The following ZNF268 variants were observed in gnomAD, a reference collection of about 807,000 sequenced individuals.
ZNF268 encodes the protein zinc finger protein 3.
A neutral mutation model predicts 29.3 loss-of-function variants in ZNF268; 20 were observed. That is an observed-to-expected ratio of 0.68 (90% CI 0.48 to 0.99). The LOEUF (loss-of-function observed/expected upper bound fraction) is 0.99, where lower values mean the gene tolerates loss of function less well. Ranked by LOEUF, ZNF268 falls within the 50% of genes least tolerant of loss-of-function variation. ZNF268 has a pLI of 0.00. For synonymous variants in ZNF268, 429 were observed against 376.9 expected (o/e 1.14, Z -1.60); for missense variants, 1,240 against 1,121.6 (o/e 1.11, Z -1.51).
rs1199473700 is a variant in ZNF268 at position 133,211,122 on chromosome 12, A to T, written c.*6592A>T. ...ACAAAAGTCAAGTGATTTCCTATATATTTGAAATAATGTATAGCAATAATT... is the reference window on the plus strand; with the variant it reads ...ACAAAAGTCAAGTGATTTCCTATATTTTTGAAATAATGTATAGCAATAATT... On this transcript the variant is annotated 3_prime_UTR_variant, in exon 6 of 6. Coordinates refer to ENST00000536435, the MANE Select transcript of ZNF268 (RefSeq NM_003415.3). The T allele has an allele frequency of 2.4e-6, 1 of 419,238 alleles. No homozygotes were observed. The highest frequency in any genetic ancestry group is 2.0e-5 in the African/African-American group (1 of 49,008). The allele number at this position is 419,238 out of a possible 1,614,324, so 26.0% of individuals were successfully genotyped here. A position where few individuals can be genotyped will look rare whatever the true frequency, so the allele number is the denominator to read the frequency against.
In ZNF268 at chr12:133,208,035, ATAG is replaced by A. The variant is rs762793393; in HGVS notation, c.*3509_*3511del. 2.6e-5 allele frequency: 4 copies of A among 152,174 alleles called. No individual in the cohort carries two copies. The highest frequency in any genetic ancestry group is 2.1e-4 in the South Asian group (1 of 4,832). 9.4% of individuals were successfully genotyped at this position (152,174 alleles called of 1,614,324 possible). A position where few individuals can be genotyped will look rare whatever the true frequency, so the allele number is the denominator to read the frequency against. On this transcript the variant is annotated 3_prime_UTR_variant, in exon 6 of 6. Coordinates refer to ENST00000536435, the MANE Select transcript of ZNF268 (RefSeq NM_003415.3). ...CACAAATGTCATACTTAATGATAAA[ATAG>A]TAGAAAGATTCCTTTAAAGTAAAAT...
rs765291915 is a variant in ZNF268, at chr12:133,204,402, A to G, written c.2716A>G (p.Ile906Val). Reference sequence around the variant, plus strand: ...TGGGAAAACCTTCTCTCAAAAATCAATTCTCAGTGCACATCAGAGAACACA... The same window carrying G: ...TGGGAAAACCTTCTCTCAAAAATCAGTTCTCAGTGCACATCAGAGAACACA... ...ECGKTFSQKS[I>V]LSAHQRTHTG... Residue 906 changes from isoleucine to valine, a missense_variant, in exon 6 of 6, where the codon ATT becomes GTT. Ile to Val is a conservative substitution (Grantham distance 29). This residue lies in a region of ZNF268 where 1,177 missense variants were observed against 1,039.6 expected (regional missense o/e 1.13). Coordinates refer to ENST00000536435, the MANE Select transcript of ZNF268 (RefSeq NM_003415.3). 7.6e-6 allele frequency: 12 copies of G among 1,569,752 alleles called. No individual in the cohort carries two copies. Among genetic ancestry groups the G allele is most frequent in the Middle Eastern group, 1.7e-4 (1 of 6,032 alleles).
In ZNF268 at chr12:133,206,236, T is replaced by G. The variant is rs184587723; in HGVS notation, c.*1706T>G. ...GATGGAAGTCTTTTAAGCAAGAAAC[T>G]TGGCCCATGCTATGAAGTCATGAAA... On this transcript the variant is annotated 3_prime_UTR_variant, in exon 6 of 6. Transcript: ENST00000536435. The G allele has an allele frequency of 5.3e-5, 8 of 152,322 alleles. No homozygotes were observed. Among genetic ancestry groups the G allele is most frequent in the Middle Eastern group, 3.4e-3 (1 of 294 alleles). The allele number at this position is 152,322 out of a possible 1,614,324, so 9.4% of individuals were successfully genotyped here.
chr12:133,202,856 T>C lies in ZNF268; in HGVS notation c.1170T>C (p.Cys390=). ...ATTCAGGACAGAAACCATATGTGTG[T>C]AATGAATGTGGGAAAGCTTTTGGTT... is the stretch of plus-strand genomic sequence containing the variant. ...KTHSGQKPYV[C]NECGKAFGLK... Residue 390 remains cysteine (C), a synonymous_variant, in exon 6 of 6, where the codon TGT becomes TGC. Coordinates refer to ENST00000536435, the MANE Select transcript of ZNF268 (RefSeq NM_003415.3). 6.3e-7 allele frequency: 1 copy of C among 1,578,776 alleles called. No individual in the cohort carries two copies. Among genetic ancestry groups the C allele is most frequent in the Non-Finnish European group, 8.6e-7 (1 of 1,165,188 alleles).
rs1195083247 is a variant in ZNF268, at chr12:133,203,667, G to A, written c.1981G>A (p.Val661Met). The change falls in exon 6 of 6, where the codon GTG (valine) becomes ATG (methionine). Residue 661 changes from valine (V) to methionine (M), a missense_variant. Transcript: ENST00000536435. ...ATCACAGCTCATTGTACATAAAGGA[G>A]TGCACACTGGAGTAAAACCCTATGG... The part of the protein sequence containing the change: ...FKSQLIVHKG[V>M]HTGVKPYGCS... The A allele has an allele frequency of 6.4e-7, 1 of 1,550,952 alleles. No homozygotes were observed. The highest frequency in any genetic ancestry group is 8.7e-7 in the Non-Finnish European group (1 of 1,153,274).
intron 3 of ZNF268, among the ~76,000 whole-genome samples, chr12:133,190,344 A>G (rs908800072): frequency 7.2e-5 from 11 of 152,180 alleles, no homozygotes; most frequent in Admixed American, 5.9e-4. Context: ...ATTATATGGT[A>G]AGACTGTTTA....
In ZNF268 at chr12:133,198,116, A is replaced by G. The variant is rs565025823; in HGVS notation, c.458-4028A>G. On this transcript the variant is annotated intron_variant, in intron 5 of 5. Coordinates refer to ENST00000536435, the MANE Select transcript of ZNF268 (RefSeq NM_003415.3). ...AGACATGAAGTCCTTGCCCATGCCT[A>G]TGTCCTGAATGGTAATGCCTGGGTT... is the stretch of plus-strand genomic sequence containing the variant. 3.6e-3 allele frequency among the ~76,000 whole-genome samples: 541 copies of G among 151,274 alleles called. 6 individuals carry two copies. Among genetic ancestry groups the G allele is most frequent in the African/African-American group, 0.013 (514 of 40,990 alleles).
In ZNF268 at chr12:133,210,169, A is replaced by T. The variant is rs2135535682; in HGVS notation, c.*5639A>T. 6.6e-6 allele frequency: 1 copy of T among 152,434 alleles called. No homozygotes were observed. Among genetic ancestry groups the T allele is most frequent in the South Asian group, 2.1e-4 (1 of 4,834 alleles). The allele number at this position is 152,434 out of a possible 1,614,324, so 9.4% of individuals were successfully genotyped here. On this transcript the variant is annotated 3_prime_UTR_variant, in exon 6 of 6. Coordinates refer to ENST00000536435, the MANE Select transcript of ZNF268 (RefSeq NM_003415.3). Reference sequence around the variant, plus strand: ...TCTTTTCCTCCTGTGGCCTCCATGTATCCCAAAGGTGAGATGACATCGCCC... The same window carrying T: ...TCTTTTCCTCCTGTGGCCTCCATGTTTCCCAAAGGTGAGATGACATCGCCC...
chr12:133,210,628 C>G lies in ZNF268; in HGVS notation c.*6098C>G, dbSNP rs1161310458. 2 of 346,208 alleles carry G rather than the reference C, an allele frequency of 5.8e-6. No homozygotes were observed. Among genetic ancestry groups the G allele is most frequent in the Non-Finnish European group, 5.8e-6 (1 of 173,646 alleles). The allele number at this position is 346,208 out of a possible 1,614,324, so 21.4% of individuals were successfully genotyped here. On this transcript the variant is annotated 3_prime_UTR_variant, in exon 6 of 6. Coordinates refer to ENST00000536435, the MANE Select transcript of ZNF268 (RefSeq NM_003415.3). Reference sequence around the variant, plus strand: ...CTGAGATGAGGTAAATTCTGGTCATCACTGTGAAGTGCCCTCGGGGGTCTC... The same window carrying G: ...CTGAGATGAGGTAAATTCTGGTCATGACTGTGAAGTGCCCTCGGGGGTCTC...
At position 133,187,922 on chromosome 12, in the gene ZNF268, C is replaced by A. The variant is rs1388051578; in HGVS notation, c.84C>A (p.Leu28=). 1.2e-6 allele frequency: 2 copies of A among 1,600,860 alleles called. No homozygotes were observed. Among genetic ancestry groups the A allele is most frequent in the Non-Finnish European group, 1.7e-6 (2 of 1,173,588 alleles). ...GTTCATGGGATAGGATCAGAAAGCT[C>A]CAAGGTCAGGAATCCATCTTGGGCC... The part of the protein sequence containing the change: ...RNSSWDRIRK[L]QGQESILGQG... The change falls in exon 3 of 6, where the codon CTC becomes CTA. Residue 28 remains leucine (L), a synonymous_variant. Transcript: ENST00000536435.
At chr12:133,182,094 A>G (rs772422597) in intron 2 of ZNF268, 64 bp downstream of exon 2, 28 of 1,498,694 alleles carry the variant, frequency 1.9e-5, no homozygotes, top group East Asian at 2.5e-5. Flanking sequence ...TGCGCACTCC[A>G]TCTACTCCAG....
chr12:133,188,524 T>C (rs1956381943), intron 3 of ZNF268, among the ~76,000 whole-genome samples: 1 of 152,210 alleles, frequency 6.6e-6, no homozygotes, highest in South Asian at 2.1e-4. Context: ...CATTGGTTCA[T>C]GTAAGGTCCT....
In ZNF268 at chr12:133,208,012, C is replaced by T. The variant is rs1956929912; in HGVS notation, c.*3482C>T. 1 of 151,994 alleles carries T rather than the reference C, an allele frequency of 6.6e-6. No homozygotes were observed. The highest frequency in any genetic ancestry group is 2.4e-5 in the African/African-American group (1 of 41,372). 9.4% of individuals were successfully genotyped at this position (151,994 alleles called of 1,614,324 possible). On this transcript the variant is annotated 3_prime_UTR_variant, in exon 6 of 6. Transcript: ENST00000536435. ...GTAGGGAATATATGTTCTGAAAACA[C>T]AAATGTCATACTTAATGATAAAATA...
chr12:133,209,778 A>G lies in ZNF268; in HGVS notation c.*5248A>G, dbSNP rs559488991. 1 of 152,246 alleles carries G rather than the reference A, an allele frequency of 6.6e-6. No individual in the cohort carries two copies. The highest frequency in any genetic ancestry group is 1.9e-4 in the East Asian group (1 of 5,164). 9.4% of individuals were successfully genotyped at this position (152,246 alleles called of 1,614,324 possible). On this transcript the variant is annotated 3_prime_UTR_variant, in exon 6 of 6. Transcript: ENST00000536435. ...CAGTGAGCTGAGATTGTGCCATTGC[A>G]CTCCAGCCCGGGCAGCAGAGTGAGA...
Position 133,203,970 on chromosome 12 carries a change from A to G in ZNF268, c.2284A>G (p.Asn762Asp), listed in dbSNP as rs1341208636. The part of the protein sequence containing the change: ...YECSECGKAF[N>D]RKDQLISHQR... ...ATGCAGTGAATGTGGGAAAGCCTTT[A>G]ATAGGAAAGACCAGCTCATTTCACA... The change falls in exon 6 of 6, where the codon AAT (asparagine) becomes GAT (aspartate). Residue 762 changes from asparagine to aspartate, a missense_variant. Physicochemically the swap from Asn to Asp is conservative, Grantham distance 23. Coordinates refer to ENST00000536435, the MANE Select transcript of ZNF268 (RefSeq NM_003415.3). 1 of 1,591,600 alleles carries G rather than the reference A, an allele frequency of 6.3e-7. No homozygotes were observed. Among genetic ancestry groups the G allele is most frequent in the Non-Finnish European group, 8.5e-7 (1 of 1,171,054 alleles).
chr12:133,202,214 A>C lies in ZNF268; in HGVS notation c.528A>C (p.Ala176=), dbSNP rs1484404868. The change falls in exon 6 of 6, where the codon GCA becomes GCC. Residue 176 remains alanine (A), a synonymous_variant. Transcript: ENST00000536435. ...QENKDKLGST[A]KSFECTTFGK... The stretch of plus-strand genomic sequence containing the variant: ...ATAAAGACAAGCTGGGAAGTACGGC[A>C]AAAAGCTTTGAATGCACTACATTTG... 1.9e-6 allele frequency: 3 copies of C among 1,609,184 alleles called. No individual in the cohort carries two copies. The East Asian group carries it at 6.7e-5, about 36-fold the overall frequency.
At chr12:133,191,032 A>C (rs979388942) in intron 3 of ZNF268, among the ~76,000 whole-genome samples, 3 of 151,978 alleles carry the variant, frequency 2.0e-5, no homozygotes, top group Admixed American at 2.0e-4. Context: ...AAAACTGTAA[A>C]GAGGCCGGGC....
At position 133,204,169 on chromosome 12, in the gene ZNF268, G is replaced by A. The variant is rs758836562; in HGVS notation, c.2483G>A (p.Arg828Gln). The A allele has an allele frequency of 2.4e-4, 374 of 1,541,544 alleles. No homozygotes were observed. Among genetic ancestry groups the A allele is most frequent in the Non-Finnish European group, 3.0e-4 (343 of 1,147,194 alleles). Residue 828 changes from arginine (R) to glutamine (Q), a missense_variant, in exon 6 of 6, where the codon CGA becomes CAA. Coordinates refer to ENST00000536435, the MANE Select transcript of ZNF268 (RefSeq NM_003415.3). Reference protein sequence around the residue: ...IWKSLLIVHERTHAGVNPYKC... With the variant: ...IWKSLLIVHEQTHAGVNPYKC... ...AAATCACTACTCATTGTACATGAGC[G>A]AACTCATGCAGGGGTCAACCCTTAT...
At chr12:133,195,726 GT>G (rs776348888) in intron 5 of ZNF268, among the ~76,000 whole-genome samples, 1 of 148,708 alleles carries the variant, frequency 6.7e-6, no homozygotes, top group East Asian at 2.0e-4. Context: ...TTTTGTTTTT[GT>G]TTTTTTTTGA....
Sources: allele counts gnomAD v4.1 joint callset (sites outside exome capture counted in the v4.1 genomes callset), GRCh38; gene constraint gnomAD v4.1.1; regional missense constraint gnomAD v4.1.1; transcripts MANE v1.5; gene names NCBI Gene and HGNC (gene_info 2026-07-23, HGNC 2026-07-21).